RYR3: variants seen among roughly 807,000 people sequenced by gnomAD.
The protein encoded by RYR3 is brain ryanodine receptor-calcium release channel.
RYR3 carries 207 observed loss-of-function variants against 584.3 expected under a neutral mutation model. That is an observed-to-expected ratio of 0.35 (90% CI 0.32 to 0.40). The LOEUF is 0.40. Ranked by LOEUF, RYR3 falls within the 10% of genes least tolerant of loss-of-function variation. RYR3 has a pLI of 1.00. For synonymous variants in RYR3, 2,416 were observed against 2,248.5 expected, an observed-to-expected ratio of 1.07 and a Z score of -2.11; for missense variants, 5,616 against 6,089.2, an observed-to-expected ratio of 0.92 and a Z score of 2.59.
At chr15:33,610,946 T>G (rs934876529) in intron 18 of RYR3, among the ~76,000 whole-genome samples, 11 of 152,208 alleles carry the variant, frequency 7.2e-5, no homozygotes, top group African/African-American at 2.7e-4. Context: ...TCAAAATGTT[T>G]CAGATTCTAG....
At chr15:33,679,673 A>T (rs2064444158) in intron 38 of RYR3, among the ~76,000 whole-genome samples, 1 of 152,170 alleles carries the variant, frequency 6.6e-6, no homozygotes, top group Admixed American at 6.5e-5. Context: ...CCAGAACTAG[A>T]ACAAAGGACT....
chr15:33,698,550 A>T (rs12908455), intron 40 of RYR3, among the ~76,000 whole-genome samples: 53,852 of 151,798 alleles, frequency 0.35, 10,095 homozygotes, highest in African/African-American at 0.49. Context: ...TGGGCTGGGG[A>T]CCTCCTCACG....
At chr15:33,504,816 C>T (rs2052328014) in intron 3 of RYR3, among the ~76,000 whole-genome samples, 4 of 152,182 alleles carry the variant, frequency 2.6e-5, no homozygotes, top group Admixed American at 2.0e-4. Flanking sequence ...TGCCTCTGAT[C>T]CTGCATATCA....
chr15:33,731,515 G>C lies in RYR3; in HGVS notation c.7245G>C (p.Arg2415Ser), dbSNP rs773821075. Residue 2415 changes from arginine (R) to serine (S), a missense_variant, in exon 48 of 104, where the codon AGG (arginine) becomes AGC (serine). By Grantham distance (110) the Arg-to-Ser change is moderately radical. This residue lies in a region of RYR3 where 1,280 missense variants were observed against 1,426.2 expected (regional missense o/e 0.90). Coordinates refer to ENST00000634891, the MANE Select transcript of RYR3 (RefSeq NM_001036.6). Reference protein sequence around the residue: ...STTEAALALNRYICSAVLPLL... With the variant: ...STTEAALALNSYICSAVLPLL... ...CAGAGGCTGCGCTTGCACTAAATAG[G>C]TATATATGTTCTGCTGTGCTCCCGC... The C allele has an allele frequency of 6.2e-7, 1 of 1,613,436 alleles. No homozygotes were observed. The highest frequency in any genetic ancestry group is 8.5e-7 in the Non-Finnish European group (1 of 1,179,742).
chr15:33,724,093 G>T lies in RYR3; in HGVS notation c.6829G>T (p.Glu2277Ter), dbSNP rs1445664373. 1 of 1,612,066 alleles carries T rather than the reference G, an allele frequency of 6.2e-7. No individual in the cohort carries two copies. Among genetic ancestry groups the T allele is most frequent in the Admixed American group, 1.7e-5 (1 of 60,008 alleles). The change falls in exon 45 of 104, where the codon GAA (glutamate) becomes TAA (stop). Residue 2277 changes from glutamate (E) to a stop codon, truncating the protein, a stop_gained. Transcript: ENST00000634891. LOFTEE classifies it high-confidence loss of function. Reference protein sequence around the residue: ...VSTGDDEEEEEIVHMGNAIMS... With the variant: ...VSTGDDEEEE ...CACGGGGGACGATGAAGAGGAAGAA[G>T]AAATCGTGCATATGGGCAATGCAAT...
chr15:33,341,485 G>A lies in RYR3; in HGVS notation c.51+30389G>A, dbSNP rs146379284. On this transcript the variant is annotated intron_variant, in intron 1 of 103. Coordinates refer to ENST00000634891, the MANE Select transcript of RYR3 (RefSeq NM_001036.6). ...TATCATTCTAATATTAAATTTATTG[G>A]AAAGTAACATCTTGCATCCTTTCTC... 1.1e-4 allele frequency among the ~76,000 whole-genome samples: 16 copies of A among 152,246 alleles called. No individual in the cohort carries two copies. The East Asian group carries it at 3.1e-3, about 29-fold the overall frequency.
At chr15:33,325,894 C>T (rs1008921257) in intron 1 of RYR3, among the ~76,000 whole-genome samples, 17 of 152,028 alleles carry the variant, frequency 1.1e-4, no homozygotes, top group African/African-American at 3.1e-4. Flanking sequence ...CTCCATCTCT[C>T]GATCTCAAGC....
intron 74 of RYR3, chr15:33,816,034 A>G (rs931745900): frequency 1.0e-5 from 4 of 394,706 alleles, no homozygotes; most frequent in African/African-American, 2.1e-5. Context: ...TACAATTTTT[A>G]GGAAGAATTC....
intron 38 of RYR3, among the ~76,000 whole-genome samples, chr15:33,671,907 C>T (rs754655709): frequency 1.3e-4 from 19 of 148,302 alleles, no homozygotes; most frequent in East Asian, 4.1e-4. Flanking sequence ...CTCCACCTCA[C>T]GGTTCAAGCG....
At chr15:33,676,708 A>C (rs2064203290) in intron 38 of RYR3, among the ~76,000 whole-genome samples, 1 of 152,204 alleles carries the variant, frequency 6.6e-6, no homozygotes, top group Non-Finnish European at 1.5e-5. Context: ...AACAGATATC[A>C]TTAGTCCTAG....
rs62013800 is a variant in RYR3 at position 33,327,066 on chromosome 15, C to A, written c.51+15970C>A. 4.4e-3 allele frequency among the ~76,000 whole-genome samples: 671 copies of A among 150,876 alleles called. 3 individuals carry two copies. The highest frequency in any genetic ancestry group is 0.011 in the Admixed American group (164 of 15,184). On this transcript the variant is annotated intron_variant, in intron 1 of 103. Transcript: ENST00000634891. ...TTGCCCCTTGCATGGAAGTGAAAGA[C>A]GAGACGCATGTTACATCTGTAATTT...
chr15:33,624,745 G>A (rs1205100699), intron 20 of RYR3, among the ~76,000 whole-genome samples: 2 of 152,196 alleles, frequency 1.3e-5, no homozygotes, highest in Non-Finnish European at 2.9e-5. Flanking sequence ...CAAGGGGCAT[G>A]CAAGAGCTTT....
chr15:33,649,289 C>T (rs2062309898), intron 31 of RYR3, 54 bp downstream of exon 31: 2 of 1,542,762 alleles, frequency 1.3e-6, no homozygotes, highest in African/African-American at 1.4e-5. Flanking sequence ...AGTCCCTCCC[C>T]CCAGTCTTTT....
chr15:33,509,414 C>T lies in RYR3; in HGVS notation c.279+5676C>T, dbSNP rs140437308. On this transcript the variant is annotated intron_variant, in intron 3 of 103. Coordinates refer to ENST00000634891, the MANE Select transcript of RYR3 (RefSeq NM_001036.6). Reference sequence around the variant, plus strand: ...TAGCATCTCACTCTGAGGTTTTTATCTTCCCTTTAGAAATGTTAGAAAAAA... The same window carrying T: ...TAGCATCTCACTCTGAGGTTTTTATTTTCCCTTTAGAAATGTTAGAAAAAA... 3.6e-3 allele frequency among the ~76,000 whole-genome samples: 542 copies of T among 152,266 alleles called. 1 individual carries two copies. Among genetic ancestry groups the T allele is most frequent in the African/African-American group, 0.012 (501 of 41,562 alleles).
chr15:33,703,930 CAATACCATAAT>C (rs1193649815), intron 42 of RYR3, among the ~76,000 whole-genome samples: 1 of 151,956 alleles, frequency 6.6e-6, no homozygotes, highest in African/African-American at 2.4e-5. Flanking sequence ...TCAAACAACC[CAATACCATAAT>C]AATACCATAA....
At chr15:33,604,036 C>T (rs62010498) in intron 18 of RYR3, among the ~76,000 whole-genome samples, 9,737 of 152,202 alleles carry the variant, frequency 0.064, 345 homozygotes, top group African/African-American at 0.074. Context: ...GTGAAAAACG[C>T]GAGATTAACT....
intron 16 of RYR3, among the ~76,000 whole-genome samples, chr15:33,596,504 G>T (rs977281450): frequency 8.3e-5 from 12 of 144,108 alleles, no homozygotes; most frequent in Admixed American, 2.8e-4. Flanking sequence ...TTGGGGGGGG[G>T]GGATTTCTGA....
intron 1 of RYR3, among the ~76,000 whole-genome samples, chr15:33,443,059 G>C (rs1422799514): frequency 1.3e-5 from 2 of 152,162 alleles, no homozygotes; most frequent in African/African-American, 4.8e-5. Context: ...AGGAGTTGGA[G>C]ACCAGCCTGG....
chr15:33,535,711 A>G (rs1379095550), intron 5 of RYR3, among the ~76,000 whole-genome samples: 3 of 152,210 alleles, frequency 2.0e-5, no homozygotes, highest in Non-Finnish European at 4.4e-5. Flanking sequence ...TGTTCAGAGA[A>G]TTATTTTAAT....
Sources: allele counts gnomAD v4.1 joint callset (sites outside exome capture counted in the v4.1 genomes callset), GRCh38; gene constraint gnomAD v4.1.1; regional missense constraint gnomAD v4.1.1; transcripts MANE v1.5; gene names NCBI Gene and HGNC (gene_info 2026-07-23, HGNC 2026-07-21).